Variants in PCDH15 observed in about 807,000 individuals in gnomAD.
PCDH15 encodes protocadherin related 15.
A neutral mutation model predicts 178.5 loss-of-function variants in PCDH15; 129 were observed. The observed-to-expected ratio is 0.72, with a 90% CI of 0.63 to 0.84. The LOEUF (loss-of-function observed/expected upper bound fraction) is 0.84, where lower values mean the gene tolerates loss of function less well. PCDH15 is among the 40% of genes least tolerant of loss of function. The probability of loss-of-function intolerance (pLI) is 0.00; values close to 1 mark genes in which losing one functional copy is unlikely to be tolerated. For missense variants in PCDH15, 2,230 were observed against 2,099.9 expected (o/e 1.06, Z -1.21); for synonymous variants, 800 against 732.0 (o/e 1.09, Z -1.50).
chr10:55,334,434 A>G (rs1053720953), intron 2 of PCDH15, among the ~76,000 whole-genome samples: 2 of 150,550 alleles, frequency 1.3e-5, no homozygotes, highest in African/African-American at 2.5e-5. Context: ...CAGCCCCCCA[A>G]GTAGGTGGGA....
rs139493369 is a variant in PCDH15 at position 55,447,613 on chromosome 10, A to T, written c.-156+180012T>A. 1.1e-4 allele frequency among the ~76,000 whole-genome samples: 16 copies of T among 152,210 alleles called. No homozygotes were observed. In the East Asian group the frequency reaches 3.1e-3, roughly 29 times the overall value. On this transcript the variant is annotated intron_variant, in intron 2 of 5. Transcript: ENST00000613346. ...ATAAATGATTGTAAAGTGTGGGAAC[A>T]AAATAGATTCCCTGCAAACTAAACC...
rs77277595 is a variant in PCDH15 at position 54,136,668 on chromosome 10, C to A, written c.1785-3661G>T. On this transcript the variant is annotated intron_variant, in intron 14 of 37. Coordinates refer to ENST00000644397, the MANE Select transcript of PCDH15 (RefSeq NM_001384140.1). ...AGTGAGACAATGCTACAATAAGGACCTTAAACTCGTATGAGTTACTTGGAT... is the reference window on the plus strand; with the variant it reads ...AGTGAGACAATGCTACAATAAGGACATTAAACTCGTATGAGTTACTTGGAT... Among the ~76,000 whole-genome samples the A allele has an allele frequency of 3.7e-3, 562 of 152,168 alleles. 5 individuals are homozygous for A. The highest frequency in any genetic ancestry group is 0.02 in the Middle Eastern group (6 of 294).
intron 2 of PCDH15, chr10:54,655,604 A>T (rs2094389053): frequency 6.6e-6 from 1 of 152,136 alleles, no homozygotes; most frequent in Non-Finnish European, 1.5e-5. Flanking sequence ...TATTACTGGA[A>T]TACGGAGAAG....
Position 55,250,482 on chromosome 10 carries a change from T to TA in PCDH15, c.-156+69116dup, listed in dbSNP as rs202237750. Among the ~76,000 whole-genome samples, 787 of 132,858 alleles carry TA rather than the reference T, an allele frequency of 5.9e-3. 2 individuals are homozygous for TA. Among genetic ancestry groups the TA allele is most frequent in the Admixed American group, 8.1e-3 (104 of 12,888 alleles). 87.2% of individuals were successfully genotyped at this position (132,858 alleles called of 152,430 possible). A position where few individuals can be genotyped will look rare whatever the true frequency, so the allele number is the denominator to read the frequency against. On this transcript the variant is annotated intron_variant, in intron 1 of 5. Transcript: ENST00000458638. Reference sequence around the variant, plus strand: ...TTTTAAAATATCAGTCAGACCCTTGTAAAAAAAAAAACTAGTCAATACCAA... The same window carrying TA: ...TTTTAAAATATCAGTCAGACCCTTGTAAAAAAAAAAAACTAGTCAATACCAA...
chr10:55,007,713 C>G (rs2131938906), intron 2 of PCDH15, among the ~76,000 whole-genome samples: 1 of 152,198 alleles, frequency 6.6e-6, no homozygotes, highest in Admixed American at 6.5e-5. Flanking sequence ...TTATTGACTT[C>G]TGGCTTGAAG....
intron 1 of PCDH15, among the ~76,000 whole-genome samples, chr10:54,692,194 T>C (rs1219037185): frequency 6.6e-6 from 1 of 152,148 alleles, no homozygotes; most frequent in African/African-American, 2.4e-5. Context: ...GTAGAGTTCA[T>C]TTATCATTTA....
At chr10:54,437,585 G>C (rs190239296) in intron 3 of PCDH15, among the ~76,000 whole-genome samples, 3 of 152,140 alleles carry the variant, frequency 2.0e-5, no homozygotes, top group African/African-American at 7.2e-5. Flanking sequence ...TGGTTTTGAT[G>C]GTTCACACTG....
intron 2 of PCDH15, among the ~76,000 whole-genome samples, chr10:55,438,117 G>GA (rs955593403): frequency 9.9e-5 from 15 of 151,896 alleles, no homozygotes; most frequent in African/African-American, 3.4e-4. Context: ...GTACAGGCAT[G>GA]AGCCCCTGCG....
At chr10:55,219,809 G>C (rs1034904781) in intron 1 of PCDH15, among the ~76,000 whole-genome samples, 2 of 150,636 alleles carry the variant, frequency 1.3e-5, no homozygotes, top group African/African-American at 4.9e-5. Context: ...AGGAGCTGAA[G>C]AACTAATTGT....
chr10:53,965,594 T>C (rs2088927101), intron 21 of PCDH15, among the ~76,000 whole-genome samples: 1 of 152,150 alleles, frequency 6.6e-6, no homozygotes, highest in South Asian at 2.1e-4. Context: ...AAAGATACTA[T>C]AGAATTTGAT....
At chr10:55,008,342 T>C (rs998389503) in intron 2 of PCDH15, among the ~76,000 whole-genome samples, 5 of 152,088 alleles carry the variant, frequency 3.3e-5, no homozygotes, top group Non-Finnish European at 5.9e-5. Context: ...ATCACAGAGA[T>C]AGCATGTGTA....
At position 53,930,361 on chromosome 10, in the gene PCDH15, G is replaced by A. The variant is rs372239437; in HGVS notation, c.3373+8454C>T. On this transcript the variant is annotated intron_variant, in intron 25 of 37. Transcript: ENST00000644397. ...TAGTTCCAGCTACTCGGGAGGCTGA[G>A]GCAGGAGAATGGCATGAACCTGGGA... Among the ~76,000 whole-genome samples the A allele has an allele frequency of 6.2e-4, 92 of 148,598 alleles. 1 individual carries two copies. The South Asian group carries it at 0.02, about 32-fold the overall frequency.
chr10:55,404,364 A>G (rs569388667), intron 2 of PCDH15, among the ~76,000 whole-genome samples: 1 of 152,200 alleles, frequency 6.6e-6, no homozygotes, highest in African/African-American at 2.4e-5. Flanking sequence ...TCCATGATGG[A>G]AAACGCTATT....
intron 3 of PCDH15, among the ~76,000 whole-genome samples, chr10:54,849,446 C>A (rs1447576648): frequency 6.6e-6 from 1 of 152,140 alleles, no homozygotes; most frequent in African/African-American, 2.4e-5. Flanking sequence ...TTAATTTAGG[C>A]CATTTTTCAT....
chr10:55,029,760 T>C (rs1840562932), intron 2 of PCDH15, among the ~76,000 whole-genome samples: 1 of 152,134 alleles, frequency 6.6e-6, no homozygotes, highest in Admixed American at 6.6e-5. Flanking sequence ...TTCTTGACAC[T>C]TCTATGTAGA....
chr10:53,912,057 C>G (rs115558806), intron 25 of PCDH15, among the ~76,000 whole-genome samples: 1 of 152,000 alleles, frequency 6.6e-6, no homozygotes, highest in South Asian at 2.1e-4. Flanking sequence ...ATAAAATACC[C>G]GCAAACTGAA....
chr10:55,422,774 A>G (rs1838654636), intron 2 of PCDH15, among the ~76,000 whole-genome samples: 1 of 151,900 alleles, frequency 6.6e-6, no homozygotes, highest in African/African-American at 2.4e-5. Flanking sequence ...GAAGACAGAG[A>G]ATTGAATTCA....
intron 32 of PCDH15, among the ~76,000 whole-genome samples, chr10:53,826,653 G>C (rs1282254673): frequency 2.0e-5 from 3 of 152,014 alleles, no homozygotes; most frequent in African/African-American, 7.2e-5. Flanking sequence ...CCAATTATGA[G>C]GGTAGCATCA....
intron 3 of PCDH15, among the ~76,000 whole-genome samples, chr10:54,464,032 G>T (rs1212271000): frequency 1.3e-5 from 2 of 152,218 alleles, no homozygotes; most frequent in African/African-American, 2.4e-5. Context: ...CTGGACAGGG[G>T]TTTGTGGCGG....
Sources: gnomAD v4.1 joint callset for allele counts (sites outside exome capture counted in the v4.1 genomes callset) on GRCh38, gnomAD v4.1.1 for gene constraint, MANE v1.5 for transcripts, NCBI Gene and HGNC (gene_info 2026-07-23, HGNC 2026-07-21) for gene names.